PGM3: variants seen among roughly 807,000 people sequenced by gnomAD.
PGM3 encodes the protein phosphoacetylglucosamine mutase.
Under a neutral mutation model 66.2 loss-of-function variants are expected in PGM3, and 40 were observed. The observed-to-expected ratio is 0.60, with a 90% confidence interval of 0.47 to 0.79. The LOEUF is 0.79. PGM3 is among the 30% of genes least tolerant of loss of function. The probability of loss-of-function intolerance (pLI) is 0.00; values close to 1 mark genes in which losing one functional copy is unlikely to be tolerated. For missense variants in PGM3, 537 were observed against 643.4 expected, an observed-to-expected ratio of 0.83 and a Z score of 1.79; for synonymous variants, 191 against 224.2, an observed-to-expected ratio of 0.85 and a Z score of 1.32.
chr6:83,178,855 TC>T, intron 7 of PGM3, 99 bp from the exon 8 acceptor site: 1 of 761,416 alleles, frequency 1.3e-6, no homozygotes, highest in Non-Finnish European at 2.3e-6. Context: ...ATCAGCCAGT[TC>T]AGTTGTGCCT....
downstream of PGM3, among the ~76,000 whole-genome samples, chr6:83,160,287 C>T (rs777718862): frequency 7.2e-5 from 11 of 152,206 alleles, no homozygotes; most frequent in Non-Finnish European, 1.0e-4. Context: ...GCAGAGATCC[C>T]TACTAGCTCT....
chr6:83,167,452 A>T lies in PGM3; in HGVS notation c.*1782T>A, dbSNP rs1358941394. On this transcript the variant is annotated 3_prime_UTR_variant, in exon 13 of 13. Coordinates refer to ENST00000513973, the MANE Select transcript of PGM3 (RefSeq NM_015599.3). ...TTATAATAAAAGGGGATATATTATG[A>T]AATGTATAAAGCACTTTGTTCCTTT... 3 of 984,906 alleles carry T rather than the reference A, an allele frequency of 3.0e-6. No individual in the cohort carries two copies. Among genetic ancestry groups the T allele is most frequent in the Middle Eastern group, 5.2e-4 (1 of 1,918 alleles). 61.0% of individuals were successfully genotyped at this position (984,906 alleles called of 1,614,324 possible).
At chr6:83,171,799 G>A (rs896982795) in intron 11 of PGM3, 138 bp downstream of exon 11, 49 of 675,342 alleles carry the variant, frequency 7.3e-5, no homozygotes, top group Non-Finnish European at 1.0e-4. Flanking sequence ...TGGCCCATAA[G>A]GCCTTATTTT....
chr6:83,170,611 G>T, intron 11 of PGM3, 133 bp from the exon 12 acceptor site: 11 of 709,870 alleles, frequency 1.5e-5, no homozygotes, highest in Admixed American at 2.7e-5. Context: ...CCAAGGTCAG[G>T]GTAATTAATT....
intron 11 of PGM3, 154 bp from the exon 12 acceptor site, chr6:83,170,632 T>G: frequency 1.6e-6 from 1 of 636,010 alleles, no homozygotes; most frequent in Non-Finnish European, 2.7e-6. Flanking sequence ...TCAACATTTG[T>G]GCAACTTTTC....
the PGM3 span, among the ~76,000 whole-genome samples, chr6:83,151,195 C>CA: frequency 1.5e-3 from 221 of 152,268 alleles, 1 homozygote; most frequent in Admixed American, 3.7e-3. Context: ...CCAGGTTTCC[C>CA]AGGCCAGAGT....
chr6:83,176,903 C>G (rs1363981692), intron 8 of PGM3, among the ~76,000 whole-genome samples: 4 of 152,158 alleles, frequency 2.6e-5, no homozygotes, highest in Non-Finnish European at 5.9e-5. Flanking sequence ...TGAAATAACC[C>G]AATCCCTGTG....
At chr6:83,148,830 G>A in the PGM3 span, 45 of 1,550,256 alleles carry the variant, frequency 2.9e-5, no homozygotes, top group Non-Finnish European at 3.5e-5. Flanking sequence ...ATACAACTGA[G>A]TCTTCCAGCT....
chr6:83,159,522 C>T (rs1284057364), downstream of PGM3, among the ~76,000 whole-genome samples: 2 of 151,946 alleles, frequency 1.3e-5, no homozygotes, highest in Non-Finnish European at 1.5e-5. Context: ...AATTCCTGGG[C>T]TCAAACATTC....
At chr6:83,188,555 C>T in intron 3 of PGM3, 59 bp downstream of exon 3, 1 of 1,307,052 alleles carries the variant, frequency 7.7e-7, no homozygotes, top group South Asian at 1.3e-5. Flanking sequence ...AAAACTGATA[C>T]AATCGTTTAT....
chr6:83,191,817 CCTCT>C (rs1325354694), intron 1 of PGM3, among the ~76,000 whole-genome samples: 11 of 151,528 alleles, frequency 7.3e-5, no homozygotes, highest in African/African-American at 1.9e-4. Flanking sequence ...GGCGAAACCG[CCTCT>C]CTATTAAAAA....
Position 83,166,861 on chromosome 6 carries a change from T to G in PGM3, c.*2373A>C, listed in dbSNP as rs1380718103. 27 of 996,524 alleles carry G rather than the reference T, an allele frequency of 2.7e-5. No individual in the cohort carries two copies. Among genetic ancestry groups the G allele is most frequent in the Non-Finnish European group, 3.2e-5 (27 of 837,716 alleles). The allele number at this position is 996,524 out of a possible 1,614,324, so 61.7% of individuals were successfully genotyped here. On this transcript the variant is annotated 3_prime_UTR_variant, in exon 13 of 13. Transcript: ENST00000513973. ...CTGATCTTAGAAGGCAAACTCCATT[T>G]GTTAATATGACAGATTGTAATTCTG... is the stretch of plus-strand genomic sequence containing the variant.
At chr6:83,150,533 C>T in the PGM3 span, among the ~76,000 whole-genome samples, 1 of 152,070 alleles carries the variant, frequency 6.6e-6, no homozygotes, top group African/African-American at 2.4e-5. Context: ...TAAAATTTGT[C>T]AGTTTACCTT....
chr6:83,151,519 C>T, the PGM3 span: 56 of 1,182,504 alleles, frequency 4.7e-5, no homozygotes, highest in Middle Eastern at 4.2e-4. Flanking sequence ...CTTAACTCAT[C>T]GTGAGAAATT....
chr6:83,163,909 AC>A (rs761426453), downstream of PGM3, among the ~76,000 whole-genome samples: 11 of 151,966 alleles, frequency 7.2e-5, no homozygotes, highest in Admixed American at 3.3e-4. Context: ...TGTCTTATAT[AC>A]TTTTTATCTT....
At chr6:83,172,658 C>G (rs762307707) in intron 10 of PGM3, among the ~76,000 whole-genome samples, 3 of 151,854 alleles carry the variant, frequency 2.0e-5, no homozygotes, top group Non-Finnish European at 2.9e-5. Context: ...GACTCCATCT[C>G]AAAACAAAAC....
intron 10 of PGM3, among the ~76,000 whole-genome samples, chr6:83,173,185 C>T (rs1265964775): frequency 1.3e-5 from 2 of 152,184 alleles, no homozygotes; most frequent in African/African-American, 4.8e-5. Flanking sequence ...GATACTCAGC[C>T]TATATCATGT....
chr6:83,167,523 G>T lies in PGM3; in HGVS notation c.*1711C>A. 2.9e-6 allele frequency: 3 copies of T among 1,019,414 alleles called. No individual in the cohort carries two copies. The highest frequency in any genetic ancestry group is 3.5e-6 in the Non-Finnish European group (3 of 853,000). 63.1% of individuals were successfully genotyped at this position (1,019,414 alleles called of 1,614,324 possible). On this transcript the variant is annotated 3_prime_UTR_variant, in exon 13 of 13. Coordinates refer to ENST00000513973, the MANE Select transcript of PGM3 (RefSeq NM_015599.3). ...CCTAGTCCTTGGTTACAGTAGTGAG[G>T]GTTCAGAAACCTGGGAGCTTTTTGA...
In PGM3 at chr6:83,179,791, G is replaced by C; in HGVS notation, c.945+19C>G. The C allele has an allele frequency of 6.3e-7, 1 of 1,590,790 alleles. No individual in the cohort carries two copies. The highest frequency in any genetic ancestry group is 2.3e-5 in the East Asian group (1 of 44,434). On this transcript the variant is annotated intron_variant, in intron 7 of 12. Coordinates refer to ENST00000513973, the MANE Select transcript of PGM3 (RefSeq NM_015599.3). Reference sequence around the variant, plus strand: ...CTACTAAGTCTTGTTTTAGAGGGTAGCCAATCCCCCCACCATACCTCCACC... The same window carrying C: ...CTACTAAGTCTTGTTTTAGAGGGTACCCAATCCCCCCACCATACCTCCACC...
Sources: gnomAD v4.1 joint callset for allele counts (sites outside exome capture counted in the v4.1 genomes callset) on GRCh38, gnomAD v4.1.1 for gene constraint, MANE v1.5 for transcripts, NCBI Gene and HGNC (gene_info 2026-07-23, HGNC 2026-07-21) for gene names.